CNTN5: variants seen among roughly 807,000 people sequenced by gnomAD.
The protein encoded by CNTN5 is contactin 5, also known as contactin-5.
Under a neutral mutation model 129.1 loss-of-function variants are expected in CNTN5, and 77 were observed. That is an observed-to-expected ratio of 0.60 (90% CI 0.50 to 0.72). The LOEUF (loss-of-function observed/expected upper bound fraction) is 0.72. Ranked by LOEUF, CNTN5 falls within the 30% of genes least tolerant of loss-of-function variation. The pLI is 0.00. For synonymous variants in CNTN5, 509 were observed against 465.6 expected (o/e 1.09, Z -1.20); for missense variants, 1,478 against 1,328.8 (o/e 1.11, Z -1.75).
intron 3 of CNTN5, among the ~76,000 whole-genome samples, chr11:99,570,788 A>G (rs1302275374): frequency 2.0e-5 from 3 of 152,184 alleles, no homozygotes; most frequent in African/African-American, 7.2e-5. Flanking sequence ...ATAGTGAGTA[A>G]TATTGGGGGA....
At chr11:99,160,760 G>T (rs1860569928) in intron 1 of CNTN5, among the ~76,000 whole-genome samples, 1 of 152,112 alleles carries the variant, frequency 6.6e-6, no homozygotes, top group Non-Finnish European at 1.5e-5. Flanking sequence ...GTAAGACACA[G>T]AATTTGACCC....
chr11:99,948,280 G>C (rs1950597590), intron 7 of CNTN5, among the ~76,000 whole-genome samples: 2 of 152,174 alleles, frequency 1.3e-5, no homozygotes, highest in Admixed American at 1.3e-4. Context: ...CAATAATGAA[G>C]CTTTTACATT....
chr11:99,034,314 C>T (rs1337110770), intron 1 of CNTN5, among the ~76,000 whole-genome samples: 1 of 151,940 alleles, frequency 6.6e-6, no homozygotes, highest in African/African-American at 2.4e-5. Context: ...CCCTCTTTTT[C>T]TATTGATTGG....
At chr11:99,500,923 A>AT (rs1565235274) in intron 2 of CNTN5, among the ~76,000 whole-genome samples, 9 of 152,122 alleles carry the variant, frequency 5.9e-5, no homozygotes. Flanking sequence ...TATGAAAGTT[A>AT]TTTTTTCTTA....
intron 9 of CNTN5, among the ~76,000 whole-genome samples, chr11:100,042,340 G>A (rs61908066): frequency 0.07 from 10,646 of 151,642 alleles, 480 homozygotes; most frequent in East Asian, 0.19. Context: ...ATAAAACTTG[G>A]TTCTTTCAGC....
intron 2 of CNTN5, among the ~76,000 whole-genome samples, chr11:99,529,706 G>T (rs946774446): frequency 1.3e-5 from 2 of 151,890 alleles, no homozygotes; most frequent in Non-Finnish European, 2.9e-5. Context: ...CAAGAACTCA[G>T]GTGAAGCAAC....
chr11:100,008,091 A>T (rs930414132), intron 9 of CNTN5, among the ~76,000 whole-genome samples: 1 of 152,100 alleles, frequency 6.6e-6, no homozygotes, highest in Non-Finnish European at 1.5e-5. Flanking sequence ...GCTGTCTTCT[A>T]TGGGCATAGT....
rs180996166 is a variant in CNTN5 at position 99,788,100 on chromosome 11, G to A, written c.56-31444G>A. Among the ~76,000 whole-genome samples the A allele has an allele frequency of 2.0e-4, 30 of 151,956 alleles. 1 individual carries two copies. In the East Asian group the frequency reaches 3.3e-3, roughly 17 times the overall value. ...ACAAAATCTCCCATGGCTTTGCTTCGTTCTATTTTCAGGTGATCTCTTCCA... is the reference window on the plus strand; with the variant it reads ...ACAAAATCTCCCATGGCTTTGCTTCATTCTATTTTCAGGTGATCTCTTCCA... On this transcript the variant is annotated intron_variant, in intron 3 of 24. Coordinates refer to ENST00000524871, the MANE Select transcript of CNTN5 (RefSeq NM_014361.4).
chr11:99,709,092 C>G lies in CNTN5; in HGVS notation c.56-110452C>G, dbSNP rs377644519. ...AATTTTCTAAATGACATGCAAATTT[C>G]TTATGTAGCTAAGCTCATTAGCACA... On this transcript the variant is annotated intron_variant, in intron 3 of 24. Transcript: ENST00000524871. Among the ~76,000 whole-genome samples, 4 of 151,940 alleles carry G rather than the reference C, an allele frequency of 2.6e-5. No individual in the cohort carries two copies. The East Asian group carries it at 7.8e-4, about 30-fold the overall frequency.
At chr11:99,959,900 T>C (rs986542508) in intron 8 of CNTN5, among the ~76,000 whole-genome samples, 2 of 151,340 alleles carry the variant, frequency 1.3e-5, no homozygotes, top group African/African-American at 4.9e-5. Context: ...TACCTAAGGC[T>C]ATTGCTTTCT....
At chr11:100,307,955 A>G (rs1951390489) in intron 20 of CNTN5, among the ~76,000 whole-genome samples, 2 of 151,690 alleles carry the variant, frequency 1.3e-5, no homozygotes, top group African/African-American at 4.8e-5. Context: ...AAAACAACTT[A>G]CCCAAAGGTA....
chr11:99,196,426 A>G (rs879672903), intron 1 of CNTN5, among the ~76,000 whole-genome samples: 3 of 151,914 alleles, frequency 2.0e-5, no homozygotes, highest in Non-Finnish European at 4.4e-5. Flanking sequence ...CTGTGCATGT[A>G]TGCATTTTTC....
In CNTN5 at chr11:99,030,780, C is replaced by CTTTTTT. The variant is rs71305325; in HGVS notation, c.-210+9523_-210+9528dup. On this transcript the variant is annotated intron_variant, in intron 1 of 24. Coordinates refer to ENST00000524871, the MANE Select transcript of CNTN5 (RefSeq NM_014361.4). The stretch of plus-strand genomic sequence containing the variant: ...AAATGTGGCGTCTAATGCTAACTCT[C>CTTTTTT]TTTTTTTTTTTTTTTTTTGAGATGG... 5.9e-4 allele frequency among the ~76,000 whole-genome samples: 71 copies of CTTTTTT among 120,216 alleles called. 1 individual carries two copies. The highest frequency in any genetic ancestry group is 3.5e-3 in the East Asian group (14 of 4,044). The allele number at this position is 120,216 out of a possible 152,430, so 78.9% of individuals were successfully genotyped here. A position where few individuals can be genotyped will look rare whatever the true frequency, so the allele number is the denominator to read the frequency against.
chr11:99,043,603 T>C (rs2135147619), intron 1 of CNTN5, among the ~76,000 whole-genome samples: 2 of 152,304 alleles, frequency 1.3e-5, no homozygotes, highest in African/African-American at 4.8e-5. Flanking sequence ...TGTGTTAGCA[T>C]TTACTTCTGT....
chr11:99,792,556 T>TGC (rs1945784800), intron 3 of CNTN5, among the ~76,000 whole-genome samples: 1 of 112,846 alleles, frequency 8.9e-6, no homozygotes, highest in South Asian at 3.3e-4. Flanking sequence ...TGTGTGTGTG[T>TGC]GTGTGTGTGT....
chr11:99,417,443 A>G (rs552078081), intron 2 of CNTN5, among the ~76,000 whole-genome samples: 52 of 152,292 alleles, frequency 3.4e-4, no homozygotes, highest in African/African-American at 1.1e-3. Flanking sequence ...ACTATTCACA[A>G]TGTACCGTCA....
At chr11:99,573,966 T>C (rs901041097) in intron 3 of CNTN5, among the ~76,000 whole-genome samples, 1 of 152,134 alleles carries the variant, frequency 6.6e-6, no homozygotes, top group African/African-American at 2.4e-5. Context: ...GCAGGTTTGT[T>C]ACGTAAGTAT....
intron 18 of CNTN5, among the ~76,000 whole-genome samples, chr11:100,294,569 C>G (rs1049401169): frequency 6.6e-6 from 1 of 151,626 alleles, no homozygotes; most frequent in African/African-American, 2.4e-5. Context: ...CTAATATGCT[C>G]AAGACATTTA....
chr11:99,951,548 T>C (rs1950676377), intron 7 of CNTN5, among the ~76,000 whole-genome samples: 1 of 152,198 alleles, frequency 6.6e-6, no homozygotes, highest in Non-Finnish European at 1.5e-5. Context: ...TGGTCATCCA[T>C]GAGGCTATTA....
Sources: allele counts gnomAD v4.1 joint callset (sites outside exome capture counted in the v4.1 genomes callset), GRCh38; gene constraint gnomAD v4.1.1; transcripts MANE v1.5; gene names NCBI Gene and HGNC (gene_info 2026-07-23, HGNC 2026-07-21).